Variants in NTRK2 observed in about 807,000 individuals in gnomAD.
The protein encoded by NTRK2 is neurotrophic receptor tyrosine kinase 2, also known as BDNF/NT-3 growth factors receptor.
Under a neutral mutation model 94.5 loss-of-function variants are expected in NTRK2, and 13 were observed. That is an observed-to-expected ratio of 0.14 (90% CI 0.09 to 0.22). The LOEUF (loss-of-function observed/expected upper bound fraction) is 0.22, where lower values mean the gene tolerates loss of function less well. Ranked by LOEUF, NTRK2 falls within the 10% of genes least tolerant of loss-of-function variation. The probability of loss-of-function intolerance (pLI) is 1.00; values close to 1 mark genes in which losing one functional copy is unlikely to be tolerated. For missense variants in NTRK2, 639 were observed against 1,071.2 expected, an observed-to-expected ratio of 0.60 and a Z score of 5.63; for synonymous variants, 372 against 407.4, an observed-to-expected ratio of 0.91 and a Z score of 1.05.
rs1478754481 is a variant in NTRK2 at position 84,866,034 on chromosome 9, A to C, written c.1445-1209A>C. On this transcript the variant is annotated intron_variant, in intron 13 of 18. Transcript: ENST00000277120. ...ATACATTCTGAGACTTTGGGCTAGAAAATTTGTCTTGTACAAAAAATGCTA... is the reference window on the plus strand; with the variant it reads ...ATACATTCTGAGACTTTGGGCTAGACAATTTGTCTTGTACAAAAAATGCTA... Among the ~76,000 whole-genome samples the C allele has an allele frequency of 2.0e-5, 3 of 152,256 alleles. No individual in the cohort carries two copies. In the South Asian group the frequency reaches 6.2e-4, roughly 31 times the overall value.
At chr9:84,746,573 T>G (rs1014356127) in intron 11 of NTRK2, among the ~76,000 whole-genome samples, 1 of 152,150 alleles carries the variant, frequency 6.6e-6, no homozygotes, top group African/African-American at 2.4e-5. Context: ...GCAATTGCAA[T>G]AAAACTTTTC....
intron 14 of NTRK2, among the ~76,000 whole-genome samples, chr9:84,931,795 A>C (rs2078046005): frequency 6.6e-6 from 1 of 152,014 alleles, no homozygotes; most frequent in Admixed American, 6.6e-5. Flanking sequence ...TCAAGTGGGA[A>C]TTTAATTCCC....
chr9:84,874,087 C>G (rs1444750315), intron 14 of NTRK2: 1 of 1,064,236 alleles, frequency 9.4e-7, no homozygotes, highest in Non-Finnish European at 1.1e-6. Context: ...CAAGGCCCAG[C>G]CTGACTGGAG....
chr9:84,944,629 A>G (rs2078532462), intron 15 of NTRK2, among the ~76,000 whole-genome samples: 1 of 152,218 alleles, frequency 6.6e-6, no homozygotes, highest in African/African-American at 2.4e-5. Flanking sequence ...CTGTGAAAAA[A>G]CATTGCAGGC....
intron 15 of NTRK2, among the ~76,000 whole-genome samples, chr9:84,938,693 G>A (rs1381385286): frequency 3.9e-5 from 6 of 152,162 alleles, no homozygotes; most frequent in Non-Finnish European, 7.3e-5. Flanking sequence ...TTGAATGAAT[G>A]AAGGGATGGA....
chr9:84,747,793 T>G (rs1304697361), intron 11 of NTRK2, among the ~76,000 whole-genome samples: 3 of 152,176 alleles, frequency 2.0e-5, no homozygotes, highest in Non-Finnish European at 2.9e-5. Context: ...CTGGGGTTTT[T>G]AAAATACAAA....
intron 14 of NTRK2, among the ~76,000 whole-genome samples, chr9:84,912,846 G>A (rs1320309057): frequency 6.6e-6 from 1 of 151,912 alleles, no homozygotes; most frequent in East Asian, 1.9e-4. Context: ...TCGATCTCCT[G>A]ACCTTGTGAT....
At chr9:84,939,710 C>G (rs2078338635) in intron 15 of NTRK2, among the ~76,000 whole-genome samples, 1 of 152,130 alleles carries the variant, frequency 6.6e-6, no homozygotes, top group Non-Finnish European at 1.5e-5. Context: ...AAACCCAACT[C>G]AAGCTGGCTT....
intron 12 of NTRK2, among the ~76,000 whole-genome samples, chr9:84,760,305 TA>T (rs2065438332): frequency 6.6e-6 from 1 of 151,200 alleles, no homozygotes; most frequent in Non-Finnish European, 1.5e-5. Flanking sequence ...TCTGTCTCTT[TA>T]AACTAATTCT....
chr9:85,012,835 A>G (rs1831777084), intron 17 of NTRK2, among the ~76,000 whole-genome samples: 1 of 152,200 alleles, frequency 6.6e-6, no homozygotes, highest in Non-Finnish European at 1.5e-5. Context: ...AAAACAGATG[A>G]TAATTTGCCT....
chr9:84,809,165 T>C (rs946017384), intron 12 of NTRK2, among the ~76,000 whole-genome samples: 19 of 151,990 alleles, frequency 1.3e-4, no homozygotes, highest in African/African-American at 4.3e-4. Flanking sequence ...ATTGTAAAAA[T>C]AAAAAAGAAT....
chr9:84,909,774 ATTGT>A (rs202100013), intron 14 of NTRK2, among the ~76,000 whole-genome samples: 4,631 of 151,860 alleles, frequency 0.03, 113 homozygotes, highest in Admixed American at 0.043. Flanking sequence ...TTCTAATTGG[ATTGT>A]TTATCTTTAA....
intron 14 of NTRK2, among the ~76,000 whole-genome samples, chr9:84,895,846 G>A (rs985718647): frequency 4.6e-5 from 7 of 152,298 alleles, no homozygotes; most frequent in Non-Finnish European, 7.4e-5. Context: ...ACCTAGCAAC[G>A]CAGGGCAAAT....
intron 12 of NTRK2, chr9:84,813,949 A>T: frequency 4.7e-6 from 5 of 1,065,676 alleles, no homozygotes; most frequent in Non-Finnish European, 5.7e-6. Context: ...GAATGCATCC[A>T]CCGTCATCAC....
chr9:84,844,645 TCACTCACA>T (rs1265728288), intron 12 of NTRK2, among the ~76,000 whole-genome samples: 5 of 101,626 alleles, frequency 4.9e-5, no homozygotes, highest in Non-Finnish European at 7.7e-5. Flanking sequence ...ATGTAATACC[TCACTCACA>T]CACACACACA....
At chr9:84,825,616 A>G (rs949554890) in intron 12 of NTRK2, among the ~76,000 whole-genome samples, 15 of 152,250 alleles carry the variant, frequency 9.9e-5, no homozygotes, top group Non-Finnish European at 2.1e-4. Context: ...TCATTCAGAC[A>G]GCATGGCATG....
At position 84,765,226 on chromosome 9, in the gene NTRK2, C is replaced by T. The variant is rs117036780; in HGVS notation, c.1396+13141C>T. On this transcript the variant is annotated intron_variant, in intron 12 of 18. Coordinates refer to ENST00000277120, the MANE Select transcript of NTRK2 (RefSeq NM_006180.6). ...TTTAATTGGATTGTTTGCAACTCAA[C>T]GGATAAATGCTTGAGGGGATAAATA... 8.2e-3 allele frequency among the ~76,000 whole-genome samples: 1,241 copies of T among 152,238 alleles called. 20 individuals carry two copies. Among genetic ancestry groups the T allele is most frequent in the East Asian group, 0.044 (227 of 5,184 alleles).
intron 12 of NTRK2, among the ~76,000 whole-genome samples, chr9:84,802,031 C>T (rs913824385): frequency 3.9e-5 from 6 of 152,156 alleles, no homozygotes; most frequent in Admixed American, 6.5e-5. Flanking sequence ...GAATTTGCAT[C>T]AGGTTATGAA....
In NTRK2 at chr9:84,867,345, C is replaced by T. The variant is rs2132059059; in HGVS notation, c.1547C>T (p.Ala516Val). The T allele has an allele frequency of 1.2e-6, 2 of 1,613,972 alleles. No individual in the cohort carries two copies. The highest frequency in any genetic ancestry group is 1.7e-6 in the Non-Finnish European group (2 of 1,179,850). The part of the protein sequence containing the change: ...TPSSSEGGPD[A>V]VIIGMTKIPV... ...TCTTCTTCGGAAGGTGGCCCAGATG[C>T]TGTCATTATTGGAATGACCAAGATC... The change falls in exon 14 of 19, where the codon GCT (alanine) becomes GTT (valine). Residue 516 changes from alanine to valine, a missense_variant. By Grantham distance (64) the Ala-to-Val change is moderately conservative. Transcript: ENST00000277120.
Sources: gnomAD v4.1 joint callset for allele counts (sites outside exome capture counted in the v4.1 genomes callset) on GRCh38, gnomAD v4.1.1 for gene constraint, MANE v1.5 for transcripts, NCBI Gene and HGNC (gene_info 2026-07-23, HGNC 2026-07-21) for gene names.